The following DSCAML1 variants were observed in gnomAD, a reference collection of about 807,000 sequenced individuals.
The protein encoded by DSCAML1 is DS cell adhesion molecule like 1.
DSCAML1 carries 38 observed loss-of-function variants against 200.5 expected under a neutral mutation model. The observed-to-expected ratio is 0.19, with a 90% confidence interval of 0.15 to 0.25. The LOEUF is 0.25. Ranked by LOEUF, DSCAML1 falls within the 10% of genes least tolerant of loss-of-function variation. The pLI is 1.00. For missense variants in DSCAML1, 2,223 were observed against 2,858.8 expected (o/e 0.78, Z 5.07); for synonymous variants, 1,215 against 1,165.0 (o/e 1.04, Z -0.87).
At chr11:117,714,126 C>G (rs1188372925) in intron 3 of DSCAML1, among the ~76,000 whole-genome samples, 2 of 152,202 alleles carry the variant, frequency 1.3e-5, no homozygotes, top group Admixed American at 6.5e-5. Flanking sequence ...TCAAGATTAA[C>G]TGAGTTAATG....
intron 3 of DSCAML1, among the ~76,000 whole-genome samples, chr11:117,771,366 A>G (rs1337362956): frequency 6.6e-6 from 1 of 152,224 alleles, no homozygotes; most frequent in South Asian, 2.1e-4. Flanking sequence ...TGTGTCTCCC[A>G]TGGGGCCAAA....
intron 6 of DSCAML1, among the ~76,000 whole-genome samples, chr11:117,519,487 G>T (rs558225431): frequency 6.6e-4 from 100 of 152,310 alleles, no homozygotes; most frequent in African/African-American, 2.3e-3. Flanking sequence ...CCATCCTTCC[G>T]CACAGGATTG....
At chr11:117,539,580 C>T (rs1434666214) in intron 3 of DSCAML1, among the ~76,000 whole-genome samples, 1 of 107,112 alleles carries the variant, frequency 9.3e-6, no homozygotes, top group East Asian at 2.3e-4. Flanking sequence ...TGCACTCCAG[C>T]CTGGGCAACA....
Position 117,797,096 on chromosome 11 carries a change from A to G in DSCAML1, c.-17T>C, listed in dbSNP as rs758228243. 6.0e-5 allele frequency: 95 copies of G among 1,587,338 alleles called. No individual in the cohort carries two copies. Among genetic ancestry groups the G allele is most frequent in the Admixed American group, 2.6e-4 (15 of 57,120 alleles). On this transcript the variant is annotated 5_prime_UTR_variant, in exon 1 of 33. Transcript: ENST00000651296. Reference sequence around the variant, plus strand: ...CAGCCACATGCCATAAAGAGGCCCTATTCTCCGGGGAGGTGGTCCTGTGGC... The same window carrying G: ...CAGCCACATGCCATAAAGAGGCCCTGTTCTCCGGGGAGGTGGTCCTGTGGC...
chr11:117,548,315 C>T (rs2050412285), intron 3 of DSCAML1, among the ~76,000 whole-genome samples: 1 of 152,210 alleles, frequency 6.6e-6, no homozygotes, highest in South Asian at 2.1e-4. Context: ...GCAACTTGCC[C>T]CAAATCTCAA....
chr11:117,568,286 T>G (rs2137430947), intron 3 of DSCAML1, among the ~76,000 whole-genome samples: 1 of 152,100 alleles, frequency 6.6e-6, no homozygotes, highest in African/African-American at 2.4e-5. Flanking sequence ...GGGCAAAAAC[T>G]GGAAGCATTC....
intron 3 of DSCAML1, among the ~76,000 whole-genome samples, chr11:117,532,728 T>G (rs1204619445): frequency 6.6e-6 from 1 of 152,182 alleles, no homozygotes; most frequent in African/African-American, 2.4e-5. Context: ...TGGGTCCCGA[T>G]CTGGCTTTTC....
intron 3 of DSCAML1, among the ~76,000 whole-genome samples, chr11:117,600,083 G>A (rs560407539): frequency 6.6e-6 from 1 of 152,318 alleles, no homozygotes; most frequent in South Asian, 2.1e-4. Context: ...TAGAGGTATG[G>A]CGAGAAGGGA....
chr11:117,810,266 A>G lies in DSCAML1; in HGVS notation c.-250+7124T>C, dbSNP rs148381798. ...CAAAACTCCGTGGACTCAAAACTCC[A>G]GCGCCCTCTGGGGGAGGGGCAAGTA... is the stretch of plus-strand genomic sequence containing the variant. On this transcript the variant is annotated intron_variant, in intron 1 of 2. Coordinates refer to the DSCAML1 transcript ENST00000525836. Among the ~76,000 whole-genome samples, 619 of 151,928 alleles carry G rather than the reference A, an allele frequency of 4.1e-3. 5 individuals are homozygous for G. The highest frequency in any genetic ancestry group is 0.014 in the African/African-American group (589 of 41,264).
In DSCAML1 at chr11:117,505,796, C is replaced by A; in HGVS notation, c.1784-64G>T. The stretch of plus-strand genomic sequence containing the variant: ...CATTCTCACCTGGCCGCCAACGCCG[C>A]CTCACCTGCCTTACCTGGGGCTCTG... On this transcript the variant is annotated intron_variant, in intron 8 of 32. Coordinates refer to ENST00000651296, the MANE Select transcript of DSCAML1 (RefSeq NM_020693.4). The surrounding 1 kb of genome is among the most constrained non-coding windows in gnomAD (Gnocchi z 6.7). 1 of 1,539,272 alleles carries A rather than the reference C, an allele frequency of 6.5e-7. No homozygotes were observed. Among genetic ancestry groups the A allele is most frequent in the Non-Finnish European group, 8.7e-7 (1 of 1,144,748 alleles).
intron 16 of DSCAML1, among the ~76,000 whole-genome samples, chr11:117,466,814 T>C (rs565944245): frequency 4.6e-5 from 7 of 152,330 alleles, no homozygotes; most frequent in Non-Finnish European, 1.0e-4. Context: ...CTTACTGCTA[T>C]TGAGCTGCAC....
At chr11:117,467,614 T>C (rs495171) in intron 16 of DSCAML1, among the ~76,000 whole-genome samples, 4,971 of 152,258 alleles carry the variant, frequency 0.033, 169 homozygotes, top group Non-Finnish European at 0.039. Flanking sequence ...ACTCACTAAA[T>C]AGGTGTGTGT....
intron 3 of DSCAML1, among the ~76,000 whole-genome samples, chr11:117,536,627 G>T (rs577633536): frequency 2.0e-5 from 3 of 152,238 alleles, no homozygotes; most frequent in Non-Finnish European, 2.9e-5. Flanking sequence ...AATGCCAACA[G>T]TGTCCCTGTG....
In DSCAML1 at chr11:117,645,003, G is replaced by A. The variant is rs549820475; in HGVS notation, c.512-112481C>T. 3.3e-5 allele frequency among the ~76,000 whole-genome samples: 5 copies of A among 152,340 alleles called. No homozygotes were observed. In the East Asian group the frequency reaches 9.7e-4, roughly 29 times the overall value. Reference sequence around the variant, plus strand: ...TCACAGACAGGGCCTGGGAACCCCCGGTGTGGGGCCCACGCTCCCCGAGGT... The same window carrying A: ...TCACAGACAGGGCCTGGGAACCCCCAGTGTGGGGCCCACGCTCCCCGAGGT... On this transcript the variant is annotated intron_variant, in intron 3 of 32. Coordinates refer to ENST00000651296, the MANE Select transcript of DSCAML1 (RefSeq NM_020693.4).
rs1565281029 is a variant in DSCAML1, at chr11:117,780,302, A to AAGAAAGAAAGAAAGAAAG, written c.364+190_364+191insCTTTCTTTCTTTCTTTCT. On this transcript the variant is annotated intron_variant, in intron 2 of 32. Coordinates refer to ENST00000651296, the MANE Select transcript of DSCAML1 (RefSeq NM_020693.4). This position sits in a 1 kb window ranked among gnomAD's most constrained non-coding sequence, Gnocchi z 4.8. ...AAAGAAAGAAAGAAAGAAAGAAAGA[A>AAGAAAGAAAGAAAGAAAG]AGAGAGAAAGGAGAAAGAAAGGTGT... is the stretch of plus-strand genomic sequence containing the variant. Among the ~76,000 whole-genome samples, 1 of 115,124 alleles carries AAGAAAGAAAGAAAGAAAG rather than the reference A, an allele frequency of 8.7e-6. No homozygotes were observed. The highest frequency in any genetic ancestry group is 3.3e-5 in the African/African-American group (1 of 30,042). 75.5% of individuals were successfully genotyped at this position (115,124 alleles called of 152,430 possible).
intron 27 of DSCAML1, 43 bp downstream of exon 27, chr11:117,435,601 A>G (rs1286715665): frequency 5.8e-6 from 9 of 1,552,034 alleles, no homozygotes; most frequent in Non-Finnish European, 7.9e-6. Context: ...TGTGGCTGAG[A>G]GCCAACACCC....
intron 21 of DSCAML1, among the ~76,000 whole-genome samples, chr11:117,442,138 T>G (rs114960693): frequency 0.023 from 3,468 of 151,726 alleles, 141 homozygotes; most frequent in African/African-American, 0.08. Context: ...CGTGTATGCA[T>G]GTGTGTATGC....
rs2047941858 is a variant in DSCAML1 at position 117,437,389 on chromosome 11, G to C, written c.4453C>G (p.Gln1485Glu). The change falls in exon 26 of 33, where the codon CAA becomes GAA. Residue 1485 changes from glutamine to glutamate, a missense_variant. Coordinates refer to ENST00000651296, the MANE Select transcript of DSCAML1 (RefSeq NM_020693.4). The surrounding 1 kb of genome is among the most constrained non-coding windows in gnomAD (Gnocchi z 5.3). The part of the protein sequence containing the change: ...HGREPSFSKD[Q>E]HLFTHINSTH... ...GAGTTGATGTGGGTGAAGAGGTGTTGGTCTTTGCTGAAGGAGGGCTCTGGC... is the reference window on the plus strand; with the variant it reads ...GAGTTGATGTGGGTGAAGAGGTGTTCGTCTTTGCTGAAGGAGGGCTCTGGC... The C allele has an allele frequency of 4.3e-6, 7 of 1,612,578 alleles. No homozygotes were observed. Among genetic ancestry groups the C allele is most frequent in the Non-Finnish European group, 5.9e-6 (7 of 1,178,668 alleles).
intron 3 of DSCAML1, among the ~76,000 whole-genome samples, chr11:117,757,479 C>T (rs913580413): frequency 6.6e-6 from 1 of 151,904 alleles, no homozygotes; most frequent in Non-Finnish European, 1.5e-5. Context: ...ACCACATGTA[C>T]CCCACACATA....
Sources: gnomAD v4.1 joint callset for allele counts (sites outside exome capture counted in the v4.1 genomes callset) on GRCh38, gnomAD v4.1.1 for gene constraint, Gnocchi (gnomAD v3.1) non-coding constraint, MANE v1.5 for transcripts, NCBI Gene and HGNC (gene_info 2026-07-23, HGNC 2026-07-21) for gene names.